The following MACROD2 variants were observed in gnomAD, a reference collection of about 807,000 sequenced individuals.
MACROD2 encodes mono-ADP ribosylhydrolase 2.
In MACROD2, 36 loss-of-function variants were observed where a neutral mutation model predicts 70.4. That is an observed-to-expected ratio of 0.51 (90% CI 0.39 to 0.68). The LOEUF (loss-of-function observed/expected upper bound fraction) is 0.68. Among genes scored for constraint, MACROD2 ranks in the 30% least tolerant of loss-of-function variants. The probability of loss-of-function intolerance (pLI) is 0.00; values close to 1 mark genes in which losing one functional copy is unlikely to be tolerated. For missense variants in MACROD2, 496 were observed against 538.4 expected (o/e 0.92, Z 0.78); for synonymous variants, 172 against 178.8 (o/e 0.96, Z 0.30).
chr20:14,760,244 G>A (rs768640458), intron 5 of MACROD2, among the ~76,000 whole-genome samples: 3 of 152,038 alleles, frequency 2.0e-5, no homozygotes, highest in South Asian at 2.1e-4. Flanking sequence ...GGGATCCCGC[G>A]TAGATGGCAA....
chr20:14,302,698 CA>C (rs2082486281), intron 3 of MACROD2, among the ~76,000 whole-genome samples: 1 of 151,746 alleles, frequency 6.6e-6, no homozygotes, highest in Non-Finnish European at 1.5e-5. Flanking sequence ...ACTCTGTCAC[CA>C]GGCTGCAGTG....
At chr20:15,119,949 A>G (rs933784389) in intron 5 of MACROD2, among the ~76,000 whole-genome samples, 2 of 152,238 alleles carry the variant, frequency 1.3e-5, no homozygotes, top group Non-Finnish European at 2.9e-5. Flanking sequence ...TTCATATTTA[A>G]TGTGAATTTT....
chr20:15,080,849 A>C (rs1274098287), intron 5 of MACROD2, among the ~76,000 whole-genome samples: 1 of 152,116 alleles, frequency 6.6e-6, no homozygotes, highest in Admixed American at 6.6e-5. Context: ...CCTTAGCTTT[A>C]TGCTTTACTT....
At chr20:15,927,383 T>C (rs6131739) in intron 10 of MACROD2, among the ~76,000 whole-genome samples, 11,462 of 152,116 alleles carry the variant, frequency 0.075, 656 homozygotes, top group East Asian at 0.23. Context: ...AGCAGAGGTC[T>C]CAGGAATCTG....
intron 5 of MACROD2, among the ~76,000 whole-genome samples, chr20:15,037,939 T>C (rs1475202331): frequency 8.1e-6 from 1 of 123,184 alleles, no homozygotes; most frequent in African/African-American, 3.8e-5. Flanking sequence ...GAATTTTGGA[T>C]GTTCTCACTA....
rs568377313 is a variant in MACROD2, at chr20:15,065,791, G to T, written c.419-164149G>T. Among the ~76,000 whole-genome samples, 9 of 151,852 alleles carry T rather than the reference G, an allele frequency of 5.9e-5. No homozygotes were observed. The South Asian group carries it at 1.5e-3, about 25-fold the overall frequency. On this transcript the variant is annotated intron_variant, in intron 5 of 17. Coordinates refer to ENST00000684519, the MANE Select transcript of MACROD2 (RefSeq NM_001351661.2). ...AATTCTTTTAAATTAAATTTACTCCGTAGTTGCATTATATTATAAAATAAG... is the reference window on the plus strand; with the variant it reads ...AATTCTTTTAAATTAAATTTACTCCTTAGTTGCATTATATTATAAAATAAG...
At chr20:15,757,099 G>C (rs1276759105) in intron 8 of MACROD2, among the ~76,000 whole-genome samples, 1 of 152,156 alleles carries the variant, frequency 6.6e-6, no homozygotes, top group African/African-American at 2.4e-5. Context: ...GGATTGGTTT[G>C]ATTTTTGAAA....
chr20:15,916,710 A>G (rs1445682429), intron 10 of MACROD2, among the ~76,000 whole-genome samples: 1 of 152,238 alleles, frequency 6.6e-6, no homozygotes, highest in Non-Finnish European at 1.5e-5. Context: ...CAGTGAAAAC[A>G]TGTCAGACAC....
intron 3 of MACROD2, among the ~76,000 whole-genome samples, chr20:14,186,972 A>T (rs2148735413): frequency 6.6e-6 from 1 of 152,260 alleles, no homozygotes; most frequent in East Asian, 1.9e-4. Context: ...ATGGGAAGGG[A>T]GGCAAGCATT....
At chr20:15,233,259 A>C (rs175291) in intron 6 of MACROD2, among the ~76,000 whole-genome samples, 42,277 of 151,848 alleles carry the variant, frequency 0.28, 6,038 homozygotes, top group African/African-American at 0.33. Context: ...TTTCTAATAC[A>C]TTAATATGAA....
chr20:15,999,183 G>A (rs984661726), intron 15 of MACROD2, among the ~76,000 whole-genome samples: 2 of 151,854 alleles, frequency 1.3e-5, no homozygotes, highest in Non-Finnish European at 2.9e-5. Context: ...TTTGTTATAT[G>A]GTGTTTCCAT....
intron 5 of MACROD2, among the ~76,000 whole-genome samples, chr20:15,082,523 G>GTTTTTTTT (rs753606217): frequency 9.8e-6 from 1 of 101,746 alleles, no homozygotes; most frequent in African/African-American, 4.0e-5. Flanking sequence ...ACTGCAAGAG[G>GTTTTTTTT]TTTTTTTTTT....
At chr20:15,100,640 G>A (rs143745742) in intron 5 of MACROD2, among the ~76,000 whole-genome samples, 61 of 152,270 alleles carry the variant, frequency 4.0e-4, no homozygotes, top group Middle Eastern at 6.8e-3. Context: ...ACAGAAGTAA[G>A]TAGTTGGCTA....
chr20:15,535,520 A>G (rs887424024), intron 8 of MACROD2, among the ~76,000 whole-genome samples: 45 of 152,330 alleles, frequency 3.0e-4, no homozygotes, highest in African/African-American at 1.0e-3. Flanking sequence ...GTTTTACACT[A>G]TGATATTAAA....
chr20:15,581,547 G>A (rs1464020470), intron 8 of MACROD2, among the ~76,000 whole-genome samples: 2 of 152,214 alleles, frequency 1.3e-5, no homozygotes, highest in East Asian at 3.8e-4. Context: ...ACTGAAAGGT[G>A]TGAAAAGAGG....
chr20:15,838,301 A>C (rs781385844), intron 8 of MACROD2, among the ~76,000 whole-genome samples: 1 of 152,146 alleles, frequency 6.6e-6, no homozygotes, highest in African/African-American at 2.4e-5. Context: ...ATTACCAGGG[A>C]AGAGAAGGAA....
intron 8 of MACROD2, among the ~76,000 whole-genome samples, chr20:15,661,959 G>A (rs1286265352): frequency 6.6e-6 from 1 of 152,106 alleles, no homozygotes; most frequent in Non-Finnish European, 1.5e-5. Context: ...CACCTTTCTA[G>A]ATTTACCTTT....
At chr20:14,257,665 A>G (rs2082068699) in intron 3 of MACROD2, among the ~76,000 whole-genome samples, 1 of 152,192 alleles carries the variant, frequency 6.6e-6, no homozygotes, top group Admixed American at 6.6e-5. Context: ...TGTATGCATA[A>G]CTTTTAAAAT....
intron 3 of MACROD2, among the ~76,000 whole-genome samples, chr20:14,387,234 A>AT (rs2083477670): frequency 6.6e-6 from 1 of 152,138 alleles, no homozygotes; most frequent in Admixed American, 6.5e-5. Flanking sequence ...ATGCTTTGTA[A>AT]TTTTTTGTTG....
Sources: allele counts gnomAD v4.1 joint callset (sites outside exome capture counted in the v4.1 genomes callset), GRCh38; gene constraint gnomAD v4.1.1; transcripts MANE v1.5; gene names NCBI Gene and HGNC (gene_info 2026-07-23, HGNC 2026-07-21).